PDE8B: variants seen among roughly 807,000 people sequenced by gnomAD.
PDE8B encodes phosphodiesterase 8B.
A neutral mutation model predicts 101.3 loss-of-function variants in PDE8B; 26 were observed. That is an observed-to-expected ratio of 0.26 (90% confidence interval 0.19 to 0.36). PDE8B has a LOEUF of 0.36. Among genes scored for constraint, PDE8B ranks in the 10% least tolerant of loss-of-function variants. The pLI is 1.00. For missense variants in PDE8B, 810 were observed against 1,163.1 expected (o/e 0.70, Z 4.42); for synonymous variants, 424 against 429.3 (o/e 0.99, Z 0.15).
chr5:77,273,418 C>T (rs1763175932), intron 1 of PDE8B, among the ~76,000 whole-genome samples: 2 of 151,950 alleles, frequency 1.3e-5, no homozygotes, highest in Non-Finnish European at 2.9e-5. Context: ...CATCTATTAC[C>T]CAGAAAGCAC....
chr5:77,258,879 A>G (rs1020851271), intron 1 of PDE8B, among the ~76,000 whole-genome samples: 1 of 151,862 alleles, frequency 6.6e-6, no homozygotes, highest in Non-Finnish European at 1.5e-5. Context: ...CCTCCTGTAC[A>G]GACTGTTGGT....
chr5:77,128,951 T>G, the PDE8B span, among the ~76,000 whole-genome samples: 2 of 152,170 alleles, frequency 1.3e-5, no homozygotes, highest in Admixed American at 1.3e-4. Context: ...TTCCCAGACT[T>G]ATTAACGTCC....
At chr5:77,242,648 ATTTCTT>A (rs1384934127) in intron 1 of PDE8B, among the ~76,000 whole-genome samples, 8 of 152,124 alleles carry the variant, frequency 5.3e-5, no homozygotes. Context: ...TGTCAGTCAA[ATTTCTT>A]TTTCTTTTTT....
chr5:77,386,116 A>G (rs1267326642), intron 10 of PDE8B, among the ~76,000 whole-genome samples: 1 of 152,084 alleles, frequency 6.6e-6, no homozygotes, highest in Non-Finnish European at 1.5e-5. Context: ...CTGAGTTCTA[A>G]TTTCATTGCA....
chr5:77,116,023 A>G, the PDE8B span, among the ~76,000 whole-genome samples: 1 of 152,094 alleles, frequency 6.6e-6, no homozygotes, highest in African/African-American at 2.4e-5. Context: ...ATACCCTTCT[A>G]ATTCGATAGA....
chr5:77,255,415 G>A (rs1758911242), intron 1 of PDE8B, among the ~76,000 whole-genome samples: 1 of 152,210 alleles, frequency 6.6e-6, no homozygotes, highest in East Asian at 1.9e-4. Flanking sequence ...GGGGTTTAAT[G>A]CTTGGCAGTC....
At chr5:77,300,090 G>A (rs761147802) in intron 1 of PDE8B, among the ~76,000 whole-genome samples, 8 of 152,240 alleles carry the variant, frequency 5.3e-5, no homozygotes, top group Non-Finnish European at 7.3e-5. Flanking sequence ...GTGTTCTGCA[G>A]TGTAGGCATT....
intron 10 of PDE8B, among the ~76,000 whole-genome samples, chr5:77,357,015 T>A (rs796565954): frequency 1.2e-4 from 18 of 152,306 alleles, no homozygotes; most frequent in African/African-American, 4.3e-4. Flanking sequence ...CCTAGGAGGC[T>A]TTTACCCTCA....
chr5:77,275,423 C>G (rs969226903), intron 1 of PDE8B, among the ~76,000 whole-genome samples: 3 of 152,098 alleles, frequency 2.0e-5, no homozygotes, highest in African/African-American at 7.2e-5. Flanking sequence ...GCCATTATCC[C>G]TTTGGTCTCA....
chr5:77,304,519 T>C (rs1444519741), intron 1 of PDE8B, among the ~76,000 whole-genome samples: 1 of 152,202 alleles, frequency 6.6e-6, no homozygotes, highest in East Asian at 1.9e-4. Flanking sequence ...TTTTGTTTTG[T>C]TTTTGGTGAA....
the PDE8B span, among the ~76,000 whole-genome samples, chr5:77,199,625 A>G: frequency 1.3e-5 from 2 of 152,160 alleles, no homozygotes; most frequent in African/African-American, 2.4e-5. Context: ...TTAGAGGCCT[A>G]TGTAGGATAT....
At chr5:77,239,766 A>G (rs1755374553) in intron 1 of PDE8B, among the ~76,000 whole-genome samples, 1 of 152,116 alleles carries the variant, frequency 6.6e-6, no homozygotes. Flanking sequence ...AAGATCTTAG[A>G]TGAGGTTAAA....
chr5:77,209,088 A>G (rs1212218609), upstream of PDE8B, among the ~76,000 whole-genome samples: 2 of 152,136 alleles, frequency 1.3e-5, no homozygotes, highest in Non-Finnish European at 2.9e-5. Flanking sequence ...GGAGGACCCA[A>G]CCTGTGCAGA....
At chr5:77,274,619 TA>T (rs1763472537) in intron 1 of PDE8B, among the ~76,000 whole-genome samples, 1 of 152,198 alleles carries the variant, frequency 6.6e-6, no homozygotes, top group Non-Finnish European at 1.5e-5. Flanking sequence ...AGTATAAATT[TA>T]GAAGATTAAT....
the PDE8B span, among the ~76,000 whole-genome samples, chr5:77,190,618 G>A: frequency 6.6e-6 from 1 of 152,196 alleles, no homozygotes; most frequent in African/African-American, 2.4e-5. Flanking sequence ...TGATGGAGGT[G>A]CTCCTGTCTC....
the PDE8B span, among the ~76,000 whole-genome samples, chr5:77,162,737 G>A: frequency 6.6e-6 from 1 of 152,130 alleles, no homozygotes; most frequent in African/African-American, 2.4e-5. Flanking sequence ...TAAAGCTAAT[G>A]GCAAGCTAGC....
rs539447103 is a variant in PDE8B, at chr5:77,418,238, G to A, written c.1921G>A (p.Asp641Asn). 705 of 1,611,364 alleles carry A rather than the reference G, an allele frequency of 4.4e-4. 7 individuals carry two copies. The South Asian group carries it at 7.2e-3, about 17-fold the overall frequency. Residue 641 changes from aspartate to asparagine, a missense_variant, in exon 18 of 22, where the codon GAT becomes AAT. Physicochemically the swap from Asp to Asn is conservative, Grantham distance 23. Transcript: ENST00000264917. ...LGKERVKGSL[D>N]QLDEVAALIA... is the part of the protein sequence containing the mutation. ...CCTCCCCATATCCCAGGGAAGCCTCGATCAGTTGGATGAGGTGGCAGCCCT... is the reference window on the plus strand; with the variant it reads ...CCTCCCCATATCCCAGGGAAGCCTCAATCAGTTGGATGAGGTGGCAGCCCT...
intron 10 of PDE8B, among the ~76,000 whole-genome samples, chr5:77,379,103 G>A (rs1382897203): frequency 6.6e-6 from 1 of 152,218 alleles, no homozygotes; most frequent in South Asian, 2.1e-4. Context: ...TCTCTGTAAA[G>A]GCTCTTGCAA....
At chr5:77,299,527 G>T (rs1478055738) in intron 1 of PDE8B, among the ~76,000 whole-genome samples, 1 of 149,408 alleles carries the variant, frequency 6.7e-6, no homozygotes, top group Non-Finnish European at 1.5e-5. Flanking sequence ...GCGGTATTTG[G>T]TTTTTTGTCC....
Sources: allele counts gnomAD v4.1 joint callset (sites outside exome capture counted in the v4.1 genomes callset), GRCh38; gene constraint gnomAD v4.1.1; transcripts MANE v1.5; gene names NCBI Gene and HGNC (gene_info 2026-07-23, HGNC 2026-07-21).